The following LHFPL6 variants were observed in gnomAD, a reference collection of about 807,000 sequenced individuals.
The protein encoded by LHFPL6 is LHFPL tetraspan subfamily member 6, also known as LHFPL tetraspan subfamily member 6 protein.
A neutral mutation model predicts 20.6 loss-of-function variants in LHFPL6; 9 were observed. The observed-to-expected ratio is 0.44, with a 90% CI of 0.26 to 0.76. LHFPL6 has a LOEUF of 0.76. Among genes scored for constraint, LHFPL6 ranks in the 30% least tolerant of loss-of-function variants. The pLI, the probability that LHFPL6 is intolerant of heterozygous loss-of-function variation, is 0.20. For synonymous variants in LHFPL6, 105 were observed against 98.7 expected (o/e 1.06, Z -0.38); for missense variants, 218 against 253.5 (o/e 0.86, Z 0.95).
chr13:39,601,488 A>G, intron 1 of LHFPL6, 98 bp from the exon 2 acceptor site: 1 of 320,882 alleles, frequency 3.1e-6, no homozygotes, highest in Non-Finnish European at 5.7e-6. Flanking sequence ...AAACATTGAG[A>G]CTTGCCTCAA....
intron 2 of LHFPL6, among the ~76,000 whole-genome samples, chr13:39,416,349 T>A (rs1423387112): frequency 2.9e-5 from 4 of 135,916 alleles, no homozygotes; most frequent in African/African-American, 1.1e-4. Context: ...GTTGAATGAA[T>A]GAACCTTAAT....
chr13:39,398,937 T>C (rs1284156692), intron 2 of LHFPL6, among the ~76,000 whole-genome samples: 1 of 152,118 alleles, frequency 6.6e-6, no homozygotes, highest in East Asian at 1.9e-4. Flanking sequence ...CATGGAAAAA[T>C]TGTCTCCACA....
chr13:39,524,498 A>G (rs1870223946), intron 2 of LHFPL6, among the ~76,000 whole-genome samples: 1 of 152,234 alleles, frequency 6.6e-6, no homozygotes, highest in South Asian at 2.1e-4. Flanking sequence ...TATGGCTCAA[A>G]GGCTCACTGA....
At chr13:39,587,623 G>A (rs1027833044) in intron 2 of LHFPL6, among the ~76,000 whole-genome samples, 4 of 151,984 alleles carry the variant, frequency 2.6e-5, no homozygotes, top group African/African-American at 7.3e-5. Flanking sequence ...GATCCATCCA[G>A]GGAAGCCGAA....
At chr13:39,554,398 T>G (rs1008071280) in intron 2 of LHFPL6, among the ~76,000 whole-genome samples, 1 of 152,228 alleles carries the variant, frequency 6.6e-6, no homozygotes. Flanking sequence ...CATTGTTTTA[T>G]TAAAATGCAT....
At chr13:39,456,943 T>G (rs1341684963) in intron 2 of LHFPL6, among the ~76,000 whole-genome samples, 2 of 152,016 alleles carry the variant, frequency 1.3e-5, no homozygotes, top group African/African-American at 4.8e-5. Context: ...ACTACAGGCA[T>G]GAGCCACCAC....
rs1194269041 is a variant in LHFPL6, at chr13:39,343,215, A to C, written c.*721T>G. 3 of 212,578 alleles carry C rather than the reference A, an allele frequency of 1.4e-5. No individual in the cohort carries two copies. Among genetic ancestry groups the C allele is most frequent in the African/African-American group, 2.3e-5 (1 of 44,282 alleles). 13.2% of individuals were successfully genotyped at this position (212,578 alleles called of 1,614,324 possible). A position where few individuals can be genotyped will look rare whatever the true frequency, so the allele number is the denominator to read the frequency against. On this transcript the variant is annotated 3_prime_UTR_variant, in exon 4 of 4. Transcript: ENST00000379589. ...CTAAAGGTCTGCATAAACACTGAAA[A>C]TATGTTGAGGAACTAAATTAGAGTT... is the stretch of plus-strand genomic sequence containing the variant.
At chr13:39,526,870 T>C (rs1489508129) in intron 2 of LHFPL6, among the ~76,000 whole-genome samples, 2 of 152,256 alleles carry the variant, frequency 1.3e-5, no homozygotes, top group African/African-American at 2.4e-5. Flanking sequence ...CAATCTTGAA[T>C]TCTGAATACC....
intron 2 of LHFPL6, among the ~76,000 whole-genome samples, chr13:39,451,398 T>A (rs896904939): frequency 6.6e-6 from 1 of 152,218 alleles, no homozygotes; most frequent in Non-Finnish European, 1.5e-5. Context: ...GCTGGGAATA[T>A]GCTTTGTGAT....
intron 2 of LHFPL6, among the ~76,000 whole-genome samples, chr13:39,421,062 G>A (rs1462886032): frequency 6.6e-6 from 1 of 151,610 alleles, no homozygotes; most frequent in African/African-American, 2.4e-5. Context: ...TATTCCTAGT[G>A]GTAGCAATAT....
At chr13:39,536,718 G>T (rs926688710) in intron 2 of LHFPL6, among the ~76,000 whole-genome samples, 2 of 152,040 alleles carry the variant, frequency 1.3e-5, no homozygotes, top group Admixed American at 1.3e-4. Context: ...TCACCCAAAT[G>T]TCTTGCACAT....
chr13:39,569,811 G>C (rs1370301748), intron 2 of LHFPL6, among the ~76,000 whole-genome samples: 3 of 152,126 alleles, frequency 2.0e-5, no homozygotes, highest in Non-Finnish European at 4.4e-5. Context: ...TGCCCAACTA[G>C]AACTAGCAGA....
At chr13:39,511,466 T>TAAAAAAAA (rs67885553) in intron 2 of LHFPL6, among the ~76,000 whole-genome samples, 1 of 140,834 alleles carries the variant, frequency 7.1e-6, no homozygotes, top group Non-Finnish European at 1.6e-5. Flanking sequence ...TTTAAATTCT[T>TAAAAAAAA]AAAAAAAAAA....
intron 2 of LHFPL6, among the ~76,000 whole-genome samples, chr13:39,548,008 A>T (rs1389885489): frequency 6.6e-6 from 1 of 152,108 alleles, no homozygotes; most frequent in Non-Finnish European, 1.5e-5. Context: ...CAAAATTTAA[A>T]GGTCGTAAAA....
chr13:39,395,470 A>G (rs1870818138), intron 2 of LHFPL6, among the ~76,000 whole-genome samples: 1 of 152,192 alleles, frequency 6.6e-6, no homozygotes, highest in Non-Finnish European at 1.5e-5. Flanking sequence ...CTAGTTATCT[A>G]AAAAATATAA....
intron 2 of LHFPL6, among the ~76,000 whole-genome samples, chr13:39,558,477 G>A (rs902015409): frequency 2.6e-5 from 4 of 152,094 alleles, no homozygotes; most frequent in African/African-American, 4.8e-5. Flanking sequence ...TGTATAATGC[G>A]CTTCTTTATT....
chr13:39,365,631 T>C (rs1273146936), intron 3 of LHFPL6, among the ~76,000 whole-genome samples: 2 of 152,244 alleles, frequency 1.3e-5, no homozygotes, highest in Admixed American at 6.5e-5. Context: ...CTCCTACACA[T>C]ACAGACACTT....
chr13:39,361,209 T>C (rs1464224049), intron 3 of LHFPL6, among the ~76,000 whole-genome samples: 2 of 98,222 alleles, frequency 2.0e-5, no homozygotes, highest in African/African-American at 5.9e-5. Context: ...CCGTCACTAT[T>C]AATACTTTTC....
At chr13:39,421,782 C>T (rs1871495998) in intron 2 of LHFPL6, among the ~76,000 whole-genome samples, 1 of 152,148 alleles carries the variant, frequency 6.6e-6, no homozygotes, top group Non-Finnish European at 1.5e-5. Context: ...AAAATGGTTT[C>T]AGACTGTCAC....
Sources: allele counts gnomAD v4.1 joint callset (sites outside exome capture counted in the v4.1 genomes callset), GRCh38; gene constraint gnomAD v4.1.1; transcripts MANE v1.5; gene names NCBI Gene and HGNC (gene_info 2026-07-23, HGNC 2026-07-21).